Variants in NT5C2 observed in about 807,000 individuals in gnomAD.
NT5C2 encodes 5'-nucleotidase, cytosolic II.
NT5C2 carries 58 observed loss-of-function variants against 76.1 expected under a neutral mutation model. The observed-to-expected ratio is 0.76, with a 90% CI of 0.62 to 0.95. NT5C2 has a LOEUF of 0.95. Ranked by LOEUF, NT5C2 falls within the 40% of genes least tolerant of loss-of-function variation. The pLI is 0.00. For synonymous variants in NT5C2, 229 were observed against 237.4 expected (o/e 0.96, Z 0.32); for missense variants, 478 against 690.3 (o/e 0.69, Z 3.45).
chr10:103,136,012 G>A (rs1371355319), intron 4 of NT5C2, among the ~76,000 whole-genome samples: 4 of 151,986 alleles, frequency 2.6e-5, no homozygotes, highest in Non-Finnish European at 5.9e-5. Flanking sequence ...TCTTGAACCT[G>A]GGAGGCACAG....
chr10:103,098,070 G>GT, intron 10 of NT5C2: 1 of 529,922 alleles, frequency 1.9e-6, no homozygotes, highest in Non-Finnish European at 3.9e-6. Flanking sequence ...AGAAAATACT[G>GT]TATTCTGCTA....
chr10:103,151,262 C>T lies in NT5C2; in HGVS notation c.102-11783G>A, dbSNP rs549226169. Among the ~76,000 whole-genome samples, 3 of 151,774 alleles carry T rather than the reference C, an allele frequency of 2.0e-5. No homozygotes were observed. In the South Asian group the frequency reaches 6.2e-4, roughly 32 times the overall value. On this transcript the variant is annotated intron_variant, in intron 3 of 18. Coordinates refer to ENST00000404739, the MANE Select transcript of NT5C2 (RefSeq NM_001351169.2). Reference sequence around the variant, plus strand: ...GGTGGATCATCTGAGGTCGGGAGTTCGAGACCAGCCTGACCAACATGGAGA... The same window carrying T: ...GGTGGATCATCTGAGGTCGGGAGTTTGAGACCAGCCTGACCAACATGGAGA...
At chr10:103,179,458 T>C (rs11191593) in intron 2 of NT5C2, among the ~76,000 whole-genome samples, 14,357 of 151,878 alleles carry the variant, frequency 0.095, 892 homozygotes, top group East Asian at 0.28. Flanking sequence ...ATATACAAAA[T>C]AAAACAAACA....
rs537248566 is a variant in NT5C2 at position 103,102,755 on chromosome 10, G to A, written c.390-1429C>T. On this transcript the variant is annotated intron_variant, in intron 6 of 18. Transcript: ENST00000404739. ...ACGATGAACAGAAATATGAAAACTA[G>A]ATAAGAAGTGATGTGAGAGTAGTTC... Among the ~76,000 whole-genome samples, 3 of 150,708 alleles carry A rather than the reference G, an allele frequency of 2.0e-5. No homozygotes were observed. The East Asian group carries it at 6.7e-4, about 34-fold the overall frequency.
chr10:103,132,092 T>C (rs927819706), intron 4 of NT5C2, among the ~76,000 whole-genome samples: 3 of 151,836 alleles, frequency 2.0e-5, no homozygotes, highest in South Asian at 2.1e-4. Context: ...TACAAGAAAT[T>C]AGCTGGGTGT....
At chr10:103,151,832 AACTT>A (rs983764168) in intron 3 of NT5C2, among the ~76,000 whole-genome samples, 2 of 152,206 alleles carry the variant, frequency 1.3e-5, no homozygotes, top group African/African-American at 4.8e-5. Context: ...TAGAGAATAA[AACTT>A]AATTGATGTC....
At chr10:103,146,941 T>A (rs749910478) in intron 3 of NT5C2, among the ~76,000 whole-genome samples, 5 of 152,232 alleles carry the variant, frequency 3.3e-5, no homozygotes, top group African/African-American at 4.8e-5. Flanking sequence ...ACCCATGACA[T>A]GACACATACA....
chr10:103,154,255 T>C (rs2133852938), intron 3 of NT5C2, among the ~76,000 whole-genome samples: 1 of 152,290 alleles, frequency 6.6e-6, no homozygotes, highest in Middle Eastern at 3.4e-3. Context: ...AACTACTACT[T>C]GAATTAAGGC....
intron 1 of NT5C2, among the ~76,000 whole-genome samples, chr10:103,189,997 C>CTT (rs1239145078): frequency 0.033 from 3,577 of 107,768 alleles, 211 homozygotes; most frequent in Admixed American, 0.088. Flanking sequence ...TTGTGGCTTT[C>CTT]TTTTTTTTTT....
At chr10:103,130,722 T>A (rs1591259274) in intron 4 of NT5C2, among the ~76,000 whole-genome samples, 1 of 152,058 alleles carries the variant, frequency 6.6e-6, no homozygotes, top group East Asian at 1.9e-4. Context: ...AAGTTTTAAA[T>A]AATTATTTAC....
chr10:103,180,405 C>A (rs1188348000), intron 2 of NT5C2, among the ~76,000 whole-genome samples: 1 of 152,080 alleles, frequency 6.6e-6, no homozygotes, highest in Admixed American at 6.6e-5. Context: ...AAGTAATTGT[C>A]CAAGAGAAAT....
At chr10:103,172,669 C>G (rs2088511116) in intron 3 of NT5C2, among the ~76,000 whole-genome samples, 1 of 152,184 alleles carries the variant, frequency 6.6e-6, no homozygotes, top group South Asian at 2.1e-4. Context: ...AACTCCATCT[C>G]TACTAAAATT....
chr10:103,138,444 C>T (rs1486299694), intron 4 of NT5C2, among the ~76,000 whole-genome samples: 2 of 152,212 alleles, frequency 1.3e-5, no homozygotes, highest in East Asian at 1.9e-4. Context: ...TCTCACCCCC[C>T]GACAAGCCTC....
At chr10:103,178,907 C>G (rs1486912781) in intron 2 of NT5C2, among the ~76,000 whole-genome samples, 4 of 148,426 alleles carry the variant, frequency 2.7e-5, no homozygotes, top group Non-Finnish European at 4.5e-5. Flanking sequence ...CCTCTGTTTC[C>G]TCTACGTTTT....
At chr10:103,118,782 T>C (rs192356217) in intron 4 of NT5C2, among the ~76,000 whole-genome samples, 18 of 152,282 alleles carry the variant, frequency 1.2e-4, no homozygotes, top group Admixed American at 6.5e-4. Context: ...TTAATTTTAT[T>C]AACCACAATT....
At chr10:103,117,891 C>A (rs953065462) in intron 4 of NT5C2, among the ~76,000 whole-genome samples, 1 of 151,202 alleles carries the variant, frequency 6.6e-6, no homozygotes, top group Admixed American at 6.6e-5. Context: ...ATGGGGAAAA[C>A]GAGCTGGGTT....
rs143679173 is a variant in NT5C2 at position 103,141,835 on chromosome 10, G to A, written c.102-2356C>T. On this transcript the variant is annotated intron_variant, in intron 3 of 18. Transcript: ENST00000404739. ...TGAAACTTATATTGTAATTTACTCT[G>A]TTTATCCTTGAGGAACTCAGCCTAC... Among the ~76,000 whole-genome samples, 618 of 152,254 alleles carry A rather than the reference G, an allele frequency of 4.1e-3. 4 individuals carry two copies. Among genetic ancestry groups the A allele is most frequent in the African/African-American group, 0.014 (573 of 41,550 alleles).
chr10:103,157,202 T>C (rs1301268094), intron 3 of NT5C2, among the ~76,000 whole-genome samples: 2 of 151,678 alleles, frequency 1.3e-5, no homozygotes, highest in African/African-American at 4.8e-5. Flanking sequence ...CTAATTATAC[T>C]GTATACAAAT....
At chr10:103,145,903 A>C (rs2081390933) in intron 3 of NT5C2, 1 of 211,200 alleles carries the variant, frequency 4.7e-6, no homozygotes, top group South Asian at 1.7e-4. Context: ...TAGAGCCATT[A>C]ATATAATGTG....
Sources: gnomAD v4.1 joint callset for allele counts (sites outside exome capture counted in the v4.1 genomes callset) on GRCh38, gnomAD v4.1.1 for gene constraint, MANE v1.5 for transcripts, NCBI Gene and HGNC (gene_info 2026-07-23, HGNC 2026-07-21) for gene names.